Variants in FBN3 observed in about 807,000 individuals in gnomAD.
FBN3 encodes fibrillin-3.
A neutral mutation model predicts 330.1 loss-of-function variants in FBN3; 234 were observed. The ratio of observed to expected loss-of-function variants is 0.71; its 90% CI spans 0.64 to 0.79. The LOEUF (loss-of-function observed/expected upper bound fraction) is 0.79. FBN3 is among the 30% of genes least tolerant of loss of function. The probability of loss-of-function intolerance (pLI) is 0.00; values close to 1 mark genes in which losing one functional copy is unlikely to be tolerated. For missense variants in FBN3, 3,606 were observed against 3,886.9 expected (o/e 0.93, Z 1.92); for synonymous variants, 1,458 against 1,517.3 (o/e 0.96, Z 0.91).
intron 1 of FBN3, chr19:8,147,698 G>A (rs1387890496): frequency 2.2e-6 from 1 of 446,842 alleles, no homozygotes; most frequent in African/African-American, 2.0e-5. Flanking sequence ...TTAGAGAAGG[G>A]TCTTGGGGCT....
At chr19:8,116,243 C>T (rs62126082) in intron 29 of FBN3, among the ~76,000 whole-genome samples, 10,532 of 152,202 alleles carry the variant, frequency 0.069, 487 homozygotes, top group Non-Finnish European at 0.1. Flanking sequence ...AACCTGTAGC[C>T]AGGTGAGGAC....
intron 38 of FBN3, 23 bp from the exon 39 acceptor site, chr19:8,103,710 G>C: frequency 1.2e-6 from 2 of 1,608,572 alleles, no homozygotes; most frequent in Non-Finnish European, 1.7e-6. Context: ...AAGGGGTGGA[G>C]GGGAACAGTG....
At position 8,086,221 on chromosome 19, in the gene FBN3, G is replaced by A; in HGVS notation, c.6859C>T (p.Pro2287Ser). ...CDCDEGFQPS[P>S]TLTECHDIRQ... ...TCACCGTGGCACTCGGTAAGGGTGG[G>A]GCTGGGCTGGAATCCCTCATCACAG... Residue 2287 changes from proline to serine, a missense_variant, in exon 55 of 64, where the codon CCC becomes TCC. Physicochemically the swap from Pro to Ser is moderately conservative, Grantham distance 74. Coordinates refer to ENST00000600128, the MANE Select transcript of FBN3 (RefSeq NM_032447.5). The A allele has an allele frequency of 1.2e-6, 2 of 1,608,910 alleles. No homozygotes were observed. Among genetic ancestry groups the A allele is most frequent in the Non-Finnish European group, 1.7e-6 (2 of 1,177,108 alleles).
In FBN3 at chr19:8,096,990, G is replaced by T. The variant is rs375022131; in HGVS notation, c.5304C>A (p.Gly1768=). The stretch of plus-strand genomic sequence containing the variant: ...TCTGCTGGCAGGGACTCTCCCTGCT[G>T]CCACACTCATCGACATCTGGGAAAA... ...LLACEDVDEC[G]SRESPCQQNA... Residue 1768 remains glycine (G), a synonymous_variant, in exon 43 of 64, where the codon GGC becomes GGA. Coordinates refer to ENST00000600128, the MANE Select transcript of FBN3 (RefSeq NM_032447.5). This position sits in a 1 kb window ranked among gnomAD's most constrained non-coding sequence, Gnocchi z 4.6. 27 of 1,613,308 alleles carry T rather than the reference G, an allele frequency of 1.7e-5. No individual in the cohort carries two copies. The highest frequency in any genetic ancestry group is 2.3e-5 in the Non-Finnish European group (27 of 1,179,982).
At chr19:8,107,609 G>A (rs1164719105) in intron 37 of FBN3, among the ~76,000 whole-genome samples, 1 of 148,370 alleles carries the variant, frequency 6.7e-6, no homozygotes, top group Non-Finnish European at 1.5e-5. Context: ...AGAAAGATGG[G>A]GGATAGATGA....
intron 47 of FBN3, among the ~76,000 whole-genome samples, chr19:8,092,880 G>A (rs1293454700): frequency 1.3e-5 from 2 of 152,002 alleles, no homozygotes; most frequent in African/African-American, 2.4e-5. Context: ...GCATAATAAT[G>A]ATATAAAGGA....
chr19:8,121,398 G>A lies in FBN3; in HGVS notation c.3083-12C>T. On this transcript the variant is annotated splice_polypyrimidine_tract_variant and intron_variant, in intron 24 of 63. Transcript: ENST00000600128. The surrounding 1 kb of genome is among the most constrained non-coding windows in gnomAD (Gnocchi z 4.5). ...ACACTCGTCGATATCTGTGGGGAGA[G>A]GGGGCAGAGGCCGGAGGCGCCATGT... 6.7e-7 allele frequency: 1 copy of A among 1,493,446 alleles called. No homozygotes were observed. The highest frequency in any genetic ancestry group is 1.7e-4 in the Middle Eastern group (1 of 5,840). The allele number at this position is 1,493,446 out of a possible 1,614,324, so 92.5% of individuals were successfully genotyped here.
chr19:8,106,573 G>A (rs2082442171), intron 37 of FBN3, among the ~76,000 whole-genome samples: 1 of 152,184 alleles, frequency 6.6e-6, no homozygotes, highest in Non-Finnish European at 1.5e-5. Context: ...ATGGGAGGAT[G>A]GATGAATGGA....
At chr19:8,080,888 C>G (rs1320967783) in intron 59 of FBN3, 115 bp downstream of exon 59, 1 of 719,110 alleles carries the variant, frequency 1.4e-6, no homozygotes, top group African/African-American at 1.8e-5. Flanking sequence ...TTCCAAAGTG[C>G]TGGGATTACA....
intron 24 of FBN3, among the ~76,000 whole-genome samples, chr19:8,122,453 G>A (rs1222376632): frequency 2.0e-5 from 3 of 152,110 alleles, no homozygotes; most frequent in Non-Finnish European, 2.9e-5. Context: ...TGCAACCTCC[G>A]CCTCCCGGGT....
At chr19:8,119,136 G>A (rs551885564) in intron 25 of FBN3, 114 bp from the exon 26 acceptor site, 285 of 1,292,492 alleles carry the variant, frequency 2.2e-4, no homozygotes, top group Non-Finnish European at 2.6e-4. Context: ...TCACCCCAGC[G>A]GGAGCCAGGA....
Position 8,096,205 on chromosome 19 carries a change from T to C in FBN3, c.5540-125A>G, listed in dbSNP as rs2082205653. 5 of 893,488 alleles carry C rather than the reference T, an allele frequency of 5.6e-6. No homozygotes were observed. Among genetic ancestry groups the C allele is most frequent in the Middle Eastern group, 3.0e-4 (1 of 3,284 alleles). 55.3% of individuals were successfully genotyped at this position (893,488 alleles called of 1,614,324 possible). Reference sequence around the variant, plus strand: ...TAGCCCTGCCTAGATGACTGGGCAGTGACCCCTGGCGGTGATGGCTGGGAA... The same window carrying C: ...TAGCCCTGCCTAGATGACTGGGCAGCGACCCCTGGCGGTGATGGCTGGGAA... On this transcript the variant is annotated intron_variant, in intron 44 of 63. Coordinates refer to ENST00000600128, the MANE Select transcript of FBN3 (RefSeq NM_032447.5). This position sits in a 1 kb window ranked among gnomAD's most constrained non-coding sequence, Gnocchi z 4.6.
In FBN3 at chr19:8,136,360, C is replaced by CA. The variant is rs1442013775; in HGVS notation, c.1345+27_1345+28insT. 3.8e-6 allele frequency: 6 copies of CA among 1,573,332 alleles called. No homozygotes were observed. The African/African-American group carries it at 1.0e-4, about 26-fold the overall frequency. On this transcript the variant is annotated intron_variant, in intron 11 of 63. Coordinates refer to ENST00000600128, the MANE Select transcript of FBN3 (RefSeq NM_032447.5). ...AGCACGAGCAGGGCAGTGAGAACCG[C>CA]CCCCCCTTCCACCTGGCCGCGGCTC...
chr19:8,131,378 G>T lies in FBN3; in HGVS notation c.1991-90C>A. ...GGCAAGGATGAGGCCCTCTGGTCTT[G>T]GGCAAGAGTTTGGGACTAAGACACA... On this transcript the variant is annotated intron_variant, in intron 15 of 63. Coordinates refer to ENST00000600128, the MANE Select transcript of FBN3 (RefSeq NM_032447.5). This position sits in a 1 kb window ranked among gnomAD's most constrained non-coding sequence, Gnocchi z 4.5. The T allele has an allele frequency of 6.6e-7, 1 of 1,514,940 alleles. No individual in the cohort carries two copies. Among genetic ancestry groups the T allele is most frequent in the South Asian group, 1.2e-5 (1 of 85,562 alleles). 93.8% of individuals were successfully genotyped at this position (1,514,940 alleles called of 1,614,324 possible).
chr19:8,076,242 G>A (rs1034798584), intron 59 of FBN3, among the ~76,000 whole-genome samples: 1 of 102,264 alleles, frequency 9.8e-6, no homozygotes, highest in Non-Finnish European at 1.8e-5. Flanking sequence ...TGGGTTGTCC[G>A]TGTGCGTGTG....
chr19:8,093,076 GA>G (rs34410808), intron 47 of FBN3, among the ~76,000 whole-genome samples: 105,748 of 151,056 alleles, frequency 0.7, 38,125 homozygotes, highest in East Asian at 0.78. Flanking sequence ...AGAAAAAATA[GA>G]AAAAAAAAAT....
chr19:8,124,351 C>T (rs527800120), intron 22 of FBN3, among the ~76,000 whole-genome samples: 153 of 152,104 alleles, frequency 1.0e-3, no homozygotes, highest in Admixed American at 2.6e-3. Context: ...TCAAGCAATT[C>T]TCCGGCCTCA....
At chr19:8,143,853 T>C (rs1454551258) in intron 6 of FBN3, among the ~76,000 whole-genome samples, 8 of 150,548 alleles carry the variant, frequency 5.3e-5, no homozygotes, top group Non-Finnish European at 1.0e-4. Context: ...GGTCTGGTTC[T>C]GTCACCCAGG....
At chr19:8,146,673 C>T (rs1457482134) in intron 3 of FBN3, among the ~76,000 whole-genome samples, 3 of 151,784 alleles carry the variant, frequency 2.0e-5, no homozygotes, top group African/African-American at 7.3e-5. Flanking sequence ...GAGACAGTAA[C>T]CAACAGAGAG....
Sources: allele counts gnomAD v4.1 joint callset (sites outside exome capture counted in the v4.1 genomes callset), GRCh38; gene constraint gnomAD v4.1.1; non-coding constraint Gnocchi (gnomAD v3.1); transcripts MANE v1.5; gene names NCBI Gene and HGNC (gene_info 2026-07-23, HGNC 2026-07-21).